The following FUT8 variants were observed in gnomAD, a reference collection of about 807,000 sequenced individuals.
FUT8 encodes the protein fucosyltransferase 8.
A neutral mutation model predicts 71.3 loss-of-function variants in FUT8; 29 were observed. That is an observed-to-expected ratio of 0.41 (90% CI 0.30 to 0.55). The LOEUF is 0.55. Among genes scored for constraint, FUT8 ranks in the 20% least tolerant of loss-of-function variants. The pLI, the probability that FUT8 is intolerant of heterozygous loss-of-function variation, is 0.34. For missense variants in FUT8, 544 were observed against 702.1 expected (o/e 0.77, Z 2.55); for synonymous variants, 254 against 239.3 (o/e 1.06, Z -0.57).
chr14:65,672,003 T>A (rs1190115577), intron 7 of FUT8, among the ~76,000 whole-genome samples: 1 of 152,252 alleles, frequency 6.6e-6, no homozygotes, highest in Non-Finnish European at 1.5e-5. Context: ...CATGATGTCC[T>A]TGCAGATGGA....
At chr14:65,571,739 G>A (rs1886488371) in intron 3 of FUT8, among the ~76,000 whole-genome samples, 1 of 151,916 alleles carries the variant, frequency 6.6e-6, no homozygotes, top group South Asian at 2.1e-4. Context: ...CCCAAGACTT[G>A]AATATATATA....
At position 65,742,689 on chromosome 14, in the gene FUT8, T is replaced by A; in HGVS notation, c.*279T>A. On this transcript the variant is annotated 3_prime_UTR_variant, in exon 11 of 11. Transcript: ENST00000673929. ...GTTTTCTACTTTGCCCCTTTCAGTA[T>A]GTCCCCATAAGACAAACACTGCCAT... 1 of 335,352 alleles carries A rather than the reference T, an allele frequency of 3.0e-6. No individual in the cohort carries two copies. Among genetic ancestry groups the A allele is most frequent in the Non-Finnish European group, 5.5e-6 (1 of 180,934 alleles). The allele number at this position is 335,352 out of a possible 1,614,324, so 20.8% of individuals were successfully genotyped here.
In FUT8 at chr14:65,690,978, G is replaced by A. The variant is rs184823126; in HGVS notation, c.835+21498G>A. ...TGACCTCAGGTGATCTACCTGCCTC[G>A]GCCTCCCAAAGTGCTGGGATTACAG... On this transcript the variant is annotated intron_variant, in intron 7 of 10. Transcript: ENST00000673929. Among the ~76,000 whole-genome samples the A allele has an allele frequency of 7.6e-5, 11 of 144,774 alleles. No individual in the cohort carries two copies. The East Asian group carries it at 1.2e-3, about 15-fold the overall frequency. 95.0% of individuals were successfully genotyped at this position (144,774 alleles called of 152,430 possible).
chr14:65,561,360 G>A lies in FUT8; in HGVS notation c.-204G>A. 1 of 581,578 alleles carries A rather than the reference G, an allele frequency of 1.7e-6. No homozygotes were observed. The highest frequency in any genetic ancestry group is 3.1e-6 in the Non-Finnish European group (1 of 325,670). The allele number at this position is 581,578 out of a possible 1,614,324, so 36.0% of individuals were successfully genotyped here. A position where few individuals can be genotyped will look rare whatever the true frequency, so the allele number is the denominator to read the frequency against. On this transcript the variant is annotated 5_prime_UTR_variant, in exon 3 of 11. Transcript: ENST00000673929. ...AGCATGTAGAGCGCATGAAGTACAG[G>A]ACAATAAAGCTTCCTACACATATCA...
At chr14:65,664,852 T>C (rs570609569) in intron 6 of FUT8, among the ~76,000 whole-genome samples, 1 of 152,262 alleles carries the variant, frequency 6.6e-6, no homozygotes, top group East Asian at 1.9e-4. Context: ...TCCTCTCTCT[T>C]GTAGACAAAA....
chr14:65,740,154 A>T (rs575378290), intron 10 of FUT8, among the ~76,000 whole-genome samples: 2 of 152,056 alleles, frequency 1.3e-5, no homozygotes, highest in Non-Finnish European at 2.9e-5. Context: ...TATTCTACCA[A>T]TGATCTCAAT....
intron 2 of FUT8, among the ~76,000 whole-genome samples, chr14:65,557,358 AGCCTT>A (rs1566820635): frequency 6.7e-6 from 1 of 148,954 alleles, no homozygotes; most frequent in African/African-American, 2.5e-5. Flanking sequence ...TTTGAGACAG[AGCCTT>A]GCTCTGTCGC....
chr14:65,691,027 C>T (rs914449988), intron 7 of FUT8, among the ~76,000 whole-genome samples: 7 of 149,392 alleles, frequency 4.7e-5, no homozygotes, highest in Admixed American at 4.6e-4. Flanking sequence ...CGCCCAGCCA[C>T]ATTTGACTTT....
Position 65,413,718 on chromosome 14 carries a change from G to A in FUT8, c.-326+504G>A, listed in dbSNP as rs891945717. Among the ~76,000 whole-genome samples, 1 of 152,200 alleles carries A rather than the reference G, an allele frequency of 6.6e-6. No individual in the cohort carries two copies. Among genetic ancestry groups the A allele is most frequent in the African/African-American group, 2.4e-5 (1 of 41,444 alleles). The stretch of plus-strand genomic sequence containing the variant: ...GGAGTGGACCCTCACAAAGATCCGC[G>A]AGGGACTGATGCAGGGCAGTTAAAG... On this transcript the variant is annotated intron_variant, in intron 1 of 10. Coordinates refer to ENST00000673929, the MANE Select transcript of FUT8 (RefSeq NM_001371533.1). This position sits in a 1 kb window ranked among gnomAD's most constrained non-coding sequence, Gnocchi z 4.1.
the FUT8 span, among the ~76,000 whole-genome samples, chr14:65,388,951 T>C: frequency 1.4e-3 from 216 of 151,644 alleles, no homozygotes; most frequent in African/African-American, 4.6e-3. Flanking sequence ...TTTATATATA[T>C]AAATGAATAT....
At chr14:65,656,802 A>G (rs1448898673) in intron 6 of FUT8, among the ~76,000 whole-genome samples, 1 of 152,216 alleles carries the variant, frequency 6.6e-6, no homozygotes, top group East Asian at 1.9e-4. Context: ...TGGTACCGGC[A>G]TATAGACCAT....
At chr14:65,497,295 T>A (rs1328368261) in intron 2 of FUT8, among the ~76,000 whole-genome samples, 1 of 152,158 alleles carries the variant, frequency 6.6e-6, no homozygotes, top group Non-Finnish European at 1.5e-5. Flanking sequence ...GACAGTGGTT[T>A]GAAGGTGAAA....
intron 3 of FUT8, among the ~76,000 whole-genome samples, chr14:65,604,984 A>G (rs1009385689): frequency 6.6e-6 from 1 of 151,894 alleles, no homozygotes; most frequent in Non-Finnish European, 1.5e-5. Context: ...TCCTACATAT[A>G]TGTATGTTTT....
intron 3 of FUT8, among the ~76,000 whole-genome samples, 167 bp from the exon 4 acceptor site, chr14:65,615,811 C>A (rs576089221): frequency 1.8e-4 from 28 of 152,330 alleles, no homozygotes; most frequent in Middle Eastern, 3.4e-3. Flanking sequence ...GTCCATTTCA[C>A]TGGTTAATCC....
the FUT8 span, among the ~76,000 whole-genome samples, chr14:65,373,618 G>A: frequency 6.6e-6 from 1 of 152,294 alleles, no homozygotes; most frequent in South Asian, 2.1e-4. Flanking sequence ...CCCGTAAGGA[G>A]TTCCAGCGTG....
rs1885904286 is a variant in FUT8, at chr14:65,561,349, A to C, written c.-215A>C. 1.8e-6 allele frequency: 1 copy of C among 552,270 alleles called. No individual in the cohort carries two copies. The highest frequency in any genetic ancestry group is 2.6e-5 in the South Asian group (1 of 39,188). The allele number at this position is 552,270 out of a possible 1,614,324, so 34.2% of individuals were successfully genotyped here. A position where few individuals can be genotyped will look rare whatever the true frequency, so the allele number is the denominator to read the frequency against. On this transcript the variant is annotated 5_prime_UTR_variant, in exon 3 of 11. The change abolishes an upstream ATG in the 5' untranslated region. Coordinates refer to ENST00000673929, the MANE Select transcript of FUT8 (RefSeq NM_001371533.1). ...ACTCTTTCCACAGCATGTAGAGCGC[A>C]TGAAGTACAGGACAATAAAGCTTCC...
At chr14:65,677,151 T>TGTGTGTGTGTGTGCGCGCGC in intron 7 of FUT8, among the ~76,000 whole-genome samples, 79 of 110,728 alleles carry the variant, frequency 7.1e-4, no homozygotes, top group Non-Finnish European at 1.1e-3. Context: ...TGTGTGTGTG[T>TGTGTGTGTGTGTGCGCGCGC]GCGCGCGCGC....
rs144389963 is a variant in FUT8, at chr14:65,603,082, G to A, written c.204-12896G>A. Among the ~76,000 whole-genome samples, 4 of 151,900 alleles carry A rather than the reference G, an allele frequency of 2.6e-5. No homozygotes were observed. Among genetic ancestry groups the A allele is most frequent in the Non-Finnish European group, 5.9e-5 (4 of 67,902 alleles). On this transcript the variant is annotated intron_variant, in intron 3 of 10. Transcript: ENST00000673929. The surrounding 1 kb of genome is among the most constrained non-coding windows in gnomAD (Gnocchi z 4.5). ...GCCAATGTCTAGAAGGATTTTTTCC[G>A]ATGTTATTTTCTAGATTTTTTTATA... is the stretch of plus-strand genomic sequence containing the variant.
upstream of FUT8, among the ~76,000 whole-genome samples, chr14:65,406,877 C>G (rs1278486073): frequency 1.3e-5 from 2 of 152,150 alleles, no homozygotes; most frequent in Non-Finnish European, 2.9e-5. Flanking sequence ...GAGATGTGAT[C>G]TGATTGGATC....
Sources: allele counts gnomAD v4.1 joint callset (sites outside exome capture counted in the v4.1 genomes callset), GRCh38; gene constraint gnomAD v4.1.1; non-coding constraint Gnocchi (gnomAD v3.1); transcripts MANE v1.5; gene names NCBI Gene and HGNC (gene_info 2026-07-23, HGNC 2026-07-21).